The following PPFIBP2 variants were observed in gnomAD, a reference collection of about 807,000 sequenced individuals.
PPFIBP2 encodes the protein PPFIB scaffold protein 2.
Under a neutral mutation model 118.3 loss-of-function variants are expected in PPFIBP2, and 118 were observed. The ratio of observed to expected loss-of-function variants is 1.00; its 90% CI spans 0.86 to 1.16. The LOEUF is 1.16. PPFIBP2 is among the 50% of genes most tolerant of loss of function. The pLI is 0.00. For synonymous variants in PPFIBP2, 414 were observed against 397.4 expected (o/e 1.04, Z -0.50); for missense variants, 1,195 against 1,073.1 (o/e 1.11, Z -1.59).
intron 2 of PPFIBP2, among the ~76,000 whole-genome samples, chr11:7,556,397 A>G (rs879753599): frequency 8.5e-5 from 13 of 152,168 alleles, no homozygotes; most frequent in African/African-American, 1.4e-4. Flanking sequence ...GGAGCTTGCA[A>G]TGATCGTGCC....
chr11:7,555,194 G>T (rs150713944), intron 2 of PPFIBP2, among the ~76,000 whole-genome samples: 1 of 152,152 alleles, frequency 6.6e-6, no homozygotes, highest in East Asian at 1.9e-4. Context: ...AGAGAGCCAC[G>T]TGGTCAGGAC....
intron 14 of PPFIBP2, 36 bp from the exon 15 acceptor site, chr11:7,639,696 A>C: frequency 6.2e-7 from 1 of 1,613,228 alleles, no homozygotes; most frequent in Non-Finnish European, 8.5e-7. Context: ...CTGACAGTTA[A>C]GTCGGTATCT....
At chr11:7,619,527 A>G (rs1849088095) in intron 6 of PPFIBP2, among the ~76,000 whole-genome samples, 1 of 152,204 alleles carries the variant, frequency 6.6e-6, no homozygotes, top group Non-Finnish European at 1.5e-5. Flanking sequence ...GTTTGATCAT[A>G]TCACTCCCCC....
intron 7 of PPFIBP2, among the ~76,000 whole-genome samples, chr11:7,622,040 T>C (rs1165932813): frequency 1.3e-5 from 2 of 152,244 alleles, no homozygotes; most frequent in African/African-American, 2.4e-5. Flanking sequence ...TAGGCCATTC[T>C]TGCATTGCTA....
At chr11:7,626,204 A>G (rs551664712) in intron 8 of PPFIBP2, among the ~76,000 whole-genome samples, 1 of 152,106 alleles carries the variant, frequency 6.6e-6, no homozygotes, top group Non-Finnish European at 1.5e-5. Flanking sequence ...TGTAGGAAAT[A>G]CCTAACTCTT....
At chr11:7,662,193 A>G in the PPFIBP2 span, among the ~76,000 whole-genome samples, 1 of 151,646 alleles carries the variant, frequency 6.6e-6, no homozygotes, top group South Asian at 2.1e-4. Context: ...TGTCATTATG[A>G]TGTTAGCTGG....
chr11:7,665,973 T>A, the PPFIBP2 span: 1 of 1,475,212 alleles, frequency 6.8e-7, no homozygotes, highest in Non-Finnish European at 9.2e-7. Flanking sequence ...GGGAGCAGTG[T>A]GAGAGGCGCG....
At chr11:7,589,476 C>T (rs924402931) in intron 3 of PPFIBP2, among the ~76,000 whole-genome samples, 26 of 152,046 alleles carry the variant, frequency 1.7e-4, no homozygotes, top group Non-Finnish European at 1.0e-4. Context: ...GCCTGTAGAC[C>T]CAGCTACTCA....
chr11:7,648,290 G>GT (rs1565122600), intron 17 of PPFIBP2, 97 bp from the exon 18 acceptor site: 5 of 1,402,830 alleles, frequency 3.6e-6, no homozygotes, highest in Admixed American at 4.8e-5. Context: ...TTTTTGTTTT[G>GT]TTTTTTCTTT....
intron 3 of PPFIBP2, among the ~76,000 whole-genome samples, chr11:7,574,609 G>A (rs191270762): frequency 9.2e-5 from 14 of 152,268 alleles, no homozygotes; most frequent in Admixed American, 9.2e-4. Context: ...TGTAAATCAA[G>A]TGAGGTGCCC....
At chr11:7,636,390 T>C (rs753423172) in intron 14 of PPFIBP2, among the ~76,000 whole-genome samples, 9 of 136,680 alleles carry the variant, frequency 6.6e-5, no homozygotes, top group Admixed American at 6.3e-4. Flanking sequence ...TCCATATTTG[T>C]AGCAGTTGGT....
At chr11:7,567,133 G>T (rs1341386669) in intron 3 of PPFIBP2, among the ~76,000 whole-genome samples, 4 of 152,086 alleles carry the variant, frequency 2.6e-5, no homozygotes, top group Non-Finnish European at 5.9e-5. Flanking sequence ...TTGGTTTCTT[G>T]TTTTCCTTTT....
chr11:7,544,458 G>GTA (rs992020167), intron 1 of PPFIBP2, among the ~76,000 whole-genome samples: 8 of 152,130 alleles, frequency 5.3e-5, no homozygotes, highest in African/African-American at 1.9e-4. Flanking sequence ...GGTAGCTGCT[G>GTA]TAGCTCTCCT....
At chr11:7,649,943 G>A (rs765573133) in intron 21 of PPFIBP2, among the ~76,000 whole-genome samples, 1 of 152,148 alleles carries the variant, frequency 6.6e-6, no homozygotes, top group Non-Finnish European at 1.5e-5. Context: ...GAGAGGGGGA[G>A]GGAAAGACAA....
Position 7,521,721 on chromosome 11 carries a change from T to C in PPFIBP2, c.-37+7600T>C, listed in dbSNP as rs141692685. On this transcript the variant is annotated intron_variant, in intron 1 of 23. Transcript: ENST00000299492. ...TGCGTGGCCCCACACTTAGCAGATG[T>C]CCAGGAGGAGTCTGTGGTAGATATG... Among the ~76,000 whole-genome samples, 735 of 152,356 alleles carry C rather than the reference T, an allele frequency of 4.8e-3. 8 individuals are homozygous for C. The highest frequency in any genetic ancestry group is 0.017 in the African/African-American group (704 of 41,564).
At chr11:7,663,220 C>T in the PPFIBP2 span, among the ~76,000 whole-genome samples, 12,255 of 130,204 alleles carry the variant, frequency 0.094, 1,802 homozygotes, top group African/African-American at 0.23. Context: ...GGAGGAGAGG[C>T]GCTCTGCTTT....
downstream of PPFIBP2, among the ~76,000 whole-genome samples, chr11:7,657,685 C>A (rs1265702371): frequency 6.6e-6 from 1 of 152,190 alleles, no homozygotes; most frequent in African/African-American, 2.4e-5. Context: ...CTAGGGAATG[C>A]ATTTTTCTCC....
intron 3 of PPFIBP2, among the ~76,000 whole-genome samples, chr11:7,585,902 C>T (rs1249222930): frequency 2.0e-5 from 3 of 152,194 alleles, no homozygotes; most frequent in Non-Finnish European, 2.9e-5. Context: ...TTGGTTATTA[C>T]TAGCTATAAA....
At chr11:7,588,684 C>T (rs547487909) in intron 3 of PPFIBP2, among the ~76,000 whole-genome samples, 13 of 152,276 alleles carry the variant, frequency 8.5e-5, no homozygotes, top group South Asian at 2.1e-4. Flanking sequence ...TTTGCCTCCG[C>T]GAGGTCTGAA....
Sources: gnomAD v4.1 joint callset for allele counts (sites outside exome capture counted in the v4.1 genomes callset) on GRCh38, gnomAD v4.1.1 for gene constraint, MANE v1.5 for transcripts, NCBI Gene and HGNC (gene_info 2026-07-23, HGNC 2026-07-21) for gene names.